IMMP2L: variants seen among roughly 807,000 people sequenced by gnomAD.
The protein encoded by IMMP2L is mitochondrial inner membrane protease subunit 2.
In IMMP2L, 18 loss-of-function variants were observed where a neutral mutation model predicts 19.3. That is an observed-to-expected ratio of 0.93 (90% CI 0.64 to 1.38). The LOEUF (loss-of-function observed/expected upper bound fraction) is 1.38, where lower values mean the gene tolerates loss of function less well. IMMP2L is among the 40% of genes most tolerant of loss of function. The probability of loss-of-function intolerance (pLI) is 0.00; values close to 1 mark genes in which losing one functional copy is unlikely to be tolerated. For missense variants in IMMP2L, 233 were observed against 218.2 expected (o/e 1.07, Z -0.43); for synonymous variants, 76 against 73.0 (o/e 1.04, Z -0.21).
intron 3 of IMMP2L, among the ~76,000 whole-genome samples, chr7:111,466,557 C>G (rs540397077): frequency 5.3e-4 from 80 of 152,090 alleles, no homozygotes; most frequent in Non-Finnish European, 8.7e-4. Flanking sequence ...AAAGTGATTA[C>G]TGTTACTGTA....
chr7:111,460,492 C>A (rs1840044263), intron 3 of IMMP2L, among the ~76,000 whole-genome samples: 1 of 151,944 alleles, frequency 6.6e-6, no homozygotes, highest in African/African-American at 2.4e-5. Flanking sequence ...GTTTATACTT[C>A]ATAAGCAAAG....
At chr7:111,374,511 T>A (rs978285902) in intron 3 of IMMP2L, among the ~76,000 whole-genome samples, 7 of 152,100 alleles carry the variant, frequency 4.6e-5, no homozygotes, top group Non-Finnish European at 1.0e-4. Flanking sequence ...TCAAAGTCCA[T>A]TCTTTCTCCC....
chr7:110,793,836 A>G (rs948143641), intron 5 of IMMP2L, among the ~76,000 whole-genome samples: 1 of 152,108 alleles, frequency 6.6e-6, no homozygotes, highest in Non-Finnish European at 1.5e-5. Flanking sequence ...ATCACGTTTT[A>G]TACCTTAATT....
intron 3 of IMMP2L, among the ~76,000 whole-genome samples, chr7:111,050,408 T>C (rs1240228318): frequency 6.6e-6 from 1 of 152,176 alleles, no homozygotes; most frequent in Non-Finnish European, 1.5e-5. Flanking sequence ...TAGAGGGTTG[T>C]GATGAATAAA....
chr7:111,534,910 A>G (rs1847744665), intron 1 of IMMP2L, among the ~76,000 whole-genome samples: 1 of 152,174 alleles, frequency 6.6e-6, no homozygotes, highest in African/African-American at 2.4e-5. Flanking sequence ...AATATCCTAG[A>G]GCAGATTTTC....
intron 5 of IMMP2L, among the ~76,000 whole-genome samples, chr7:110,794,318 A>C (rs1800702511): frequency 6.6e-6 from 1 of 152,096 alleles, no homozygotes; most frequent in Non-Finnish European, 1.5e-5. Flanking sequence ...GTTACTCAGC[A>C]CTAAAAAGAA....
chr7:111,017,959 T>C (rs1825875026), intron 3 of IMMP2L, among the ~76,000 whole-genome samples: 1 of 152,196 alleles, frequency 6.6e-6, no homozygotes, highest in Non-Finnish European at 1.5e-5. Context: ...TAACAACACT[T>C]TTTGGACAAA....
intron 4 of IMMP2L, among the ~76,000 whole-genome samples, chr7:110,913,237 A>G (rs1344271249): frequency 6.6e-6 from 1 of 152,164 alleles, no homozygotes; most frequent in African/African-American, 2.4e-5. Flanking sequence ...GTAAGAGGCT[A>G]TGTACATGCC....
chr7:111,402,150 TA>T (rs1200639289), intron 3 of IMMP2L, among the ~76,000 whole-genome samples: 2 of 146,798 alleles, frequency 1.4e-5, no homozygotes, highest in Non-Finnish European at 3.0e-5. Flanking sequence ...ATAATAATAA[TA>T]ATAATAATAA....
chr7:111,472,058 T>C (rs1841320109), intron 3 of IMMP2L, among the ~76,000 whole-genome samples: 2 of 152,164 alleles, frequency 1.3e-5, no homozygotes, highest in African/African-American at 2.4e-5. Context: ...ATAAAATGAC[T>C]TGTAAAAAAA....
intron 5 of IMMP2L, among the ~76,000 whole-genome samples, chr7:110,678,316 C>T (rs1309075015): frequency 6.6e-6 from 1 of 152,058 alleles, no homozygotes; most frequent in Non-Finnish European, 1.5e-5. Context: ...TATTATGTTA[C>T]ATATGGCATA....
chr7:110,847,633 A>C (rs1004944605), intron 5 of IMMP2L, among the ~76,000 whole-genome samples: 1 of 152,152 alleles, frequency 6.6e-6, no homozygotes, highest in Non-Finnish European at 1.5e-5. Flanking sequence ...GAGAAGAAGA[A>C]CATCAGAGGA....
chr7:111,552,878 GGA>G (rs1219838090), intron 1 of IMMP2L, among the ~76,000 whole-genome samples: 3 of 152,100 alleles, frequency 2.0e-5, no homozygotes, highest in African/African-American at 7.2e-5. Context: ...TTGAATCTCG[GGA>G]AAGTCATCTG....
At chr7:110,788,755 A>G (rs2131132753) in intron 5 of IMMP2L, among the ~76,000 whole-genome samples, 1 of 151,824 alleles carries the variant, frequency 6.6e-6, no homozygotes, top group East Asian at 1.9e-4. Context: ...TGGATTGTGT[A>G]GTCCAAAGAG....
rs1181356521 is a variant in IMMP2L, at chr7:111,411,092, A to G, written c.239+76146T>C. On this transcript the variant is annotated intron_variant, in intron 3 of 5. Transcript: ENST00000405709. Reference sequence around the variant, plus strand: ...ATGACATGATATAATCAAATTGCTAAAAAAAAAAAAAAAAAGTAACAAAGA... The same window carrying G: ...ATGACATGATATAATCAAATTGCTAGAAAAAAAAAAAAAAAGTAACAAAGA... Among the ~76,000 whole-genome samples the G allele has an allele frequency of 6.6e-5, 9 of 136,684 alleles. 1 individual carries two copies. The highest frequency in any genetic ancestry group is 2.5e-4 in the African/African-American group (8 of 32,310). 89.7% of individuals were successfully genotyped at this position (136,684 alleles called of 152,430 possible). A position where few individuals can be genotyped will look rare whatever the true frequency, so the allele number is the denominator to read the frequency against.
At chr7:111,241,450 G>A (rs1266780643) in intron 3 of IMMP2L, among the ~76,000 whole-genome samples, 1 of 152,016 alleles carries the variant, frequency 6.6e-6, no homozygotes, top group South Asian at 2.1e-4. Flanking sequence ...AGAGACAGAT[G>A]CAAATTCTGG....
At chr7:111,495,992 C>T (rs1328272379) in intron 2 of IMMP2L, among the ~76,000 whole-genome samples, 1 of 152,280 alleles carries the variant, frequency 6.6e-6, no homozygotes. Flanking sequence ...AGAACCATTA[C>T]TTTGAAGACA....
intron 5 of IMMP2L, among the ~76,000 whole-genome samples, chr7:110,748,433 A>G (rs549828689): frequency 2.6e-5 from 4 of 152,234 alleles, no homozygotes; most frequent in Non-Finnish European, 5.9e-5. Flanking sequence ...AACAGCCTGC[A>G]TAGCCAAGAC....
intron 3 of IMMP2L, among the ~76,000 whole-genome samples, chr7:111,196,995 T>G (rs1335671430): frequency 6.6e-6 from 1 of 152,214 alleles, no homozygotes; most frequent in Non-Finnish European, 1.5e-5. Flanking sequence ...GTTTTTCGTT[T>G]ATGAAGTTTC....
Sources: gnomAD v4.1 joint callset for allele counts (sites outside exome capture counted in the v4.1 genomes callset) on GRCh38, gnomAD v4.1.1 for gene constraint, MANE v1.5 for transcripts, NCBI Gene and HGNC (gene_info 2026-07-23, HGNC 2026-07-21) for gene names.